Variants in CYP7B1 observed in about 807,000 individuals in gnomAD.
CYP7B1 encodes the protein cytochrome P450 family 7 subfamily B member 1, also known as cytochrome P450 7B1.
Under a neutral mutation model 42.7 loss-of-function variants are expected in CYP7B1, and 29 were observed. The observed-to-expected ratio is 0.68, with a 90% CI of 0.51 to 0.93. CYP7B1 has a LOEUF of 0.93. Among genes scored for constraint, CYP7B1 ranks in the 40% least tolerant of loss-of-function variants. The probability of loss-of-function intolerance (pLI) is 0.00; values close to 1 mark genes in which losing one functional copy is unlikely to be tolerated. For missense variants in CYP7B1, 655 were observed against 600.5 expected (o/e 1.09, Z -0.95); for synonymous variants, 235 against 218.2 (o/e 1.08, Z -0.68).
chr8:64,621,734 ATTTTT>A (rs201366655), intron 2 of CYP7B1, among the ~76,000 whole-genome samples: 7 of 132,646 alleles, frequency 5.3e-5, no homozygotes, highest in Admixed American at 1.6e-4. Context: ...AATGCATACA[ATTTTT>A]TTTTTTTTTT....
intron 1 of CYP7B1, among the ~76,000 whole-genome samples, chr8:64,700,608 G>A (rs1806901285): frequency 6.6e-6 from 1 of 152,096 alleles, no homozygotes; most frequent in South Asian, 2.1e-4. Context: ...AGTGTACAGA[G>A]GTGTGGACTT....
intron 5 of CYP7B1, among the ~76,000 whole-genome samples, chr8:64,599,249 C>T (rs567357042): frequency 1.2e-4 from 18 of 152,000 alleles, no homozygotes; most frequent in Admixed American, 2.0e-4. Flanking sequence ...AGTGCAGTGG[C>T]GCGATCTCGG....
intron 1 of CYP7B1, among the ~76,000 whole-genome samples, chr8:64,685,229 C>A (rs1033085779): frequency 6.6e-6 from 1 of 150,506 alleles, no homozygotes; most frequent in African/African-American, 2.4e-5. Flanking sequence ...GGGCAAGGAG[C>A]AGCCGCCTGC....
At chr8:64,657,030 A>T (rs1253233725) in intron 1 of CYP7B1, among the ~76,000 whole-genome samples, 1 of 152,296 alleles carries the variant, frequency 6.6e-6, no homozygotes, top group East Asian at 1.9e-4. Flanking sequence ...GCTAGCAAAA[A>T]TTTTGATAAC....
intron 1 of CYP7B1, among the ~76,000 whole-genome samples, chr8:64,685,174 C>T (rs934724651): frequency 4.2e-4 from 64 of 152,038 alleles, no homozygotes; most frequent in African/African-American, 1.4e-3. Flanking sequence ...GAGCGCCGCC[C>T]GGGAGGCAGC....
rs775898739 is a variant in CYP7B1 at position 64,615,943 on chromosome 8, C to T, written c.598G>A (p.Val200Ile). 6.2e-7 allele frequency: 1 copy of T among 1,613,598 alleles called. No individual in the cohort carries two copies. Among genetic ancestry groups the T allele is most frequent in the South Asian group, 1.1e-5 (1 of 91,060 alleles). Residue 200 changes from valine to isoleucine, a missense_variant, in exon 3 of 6, where the codon GTT becomes ATT. Coordinates refer to ENST00000310193, the MANE Select transcript of CYP7B1 (RefSeq NM_004820.5). ...EITFTTIYGKVIVCDNNKFIS... is the reference protein window; with the variant it reads ...EITFTTIYGKIIVCDNNKFIS... ...AATTTGTTGTTGTCACAAACAATAA[C>T]TTTTCCATATATAGTTGTAAATGTG...
chr8:64,606,822 A>G (rs1011632021), intron 4 of CYP7B1, among the ~76,000 whole-genome samples: 7 of 152,228 alleles, frequency 4.6e-5, no homozygotes, highest in African/African-American at 1.7e-4. Context: ...CGTTATTATC[A>G]ACAATGGAGA....
chr8:64,793,508 G>A (rs1018192023), intron 1 of CYP7B1, among the ~76,000 whole-genome samples: 60 of 152,004 alleles, frequency 3.9e-4, no homozygotes, highest in African/African-American at 1.4e-3. Flanking sequence ...GTGGGTATCT[G>A]TACCTAAGTC....
At chr8:64,732,125 C>G (rs1807420777) in intron 1 of CYP7B1, among the ~76,000 whole-genome samples, 1 of 152,204 alleles carries the variant, frequency 6.6e-6, no homozygotes. Context: ...AAGAGGGTTA[C>G]TGTCCTCGAG....
At position 64,713,789 on chromosome 8, in the gene CYP7B1, A is replaced by C. The variant is rs1807115022; in HGVS notation, c.122+84677T>G. ...ACAGGGAGTCAAAAAAAAATCTTCA[A>C]GAGATAAGAGCCCAAATTTTCCCAA... On this transcript the variant is annotated intron_variant, in intron 1 of 5. Coordinates refer to ENST00000310193, the MANE Select transcript of CYP7B1 (RefSeq NM_004820.5). 3.9e-5 allele frequency among the ~76,000 whole-genome samples: 6 copies of C among 152,310 alleles called. No individual in the cohort carries two copies. In the South Asian group the frequency reaches 1.2e-3, roughly 32 times the overall value.
intron 1 of CYP7B1, among the ~76,000 whole-genome samples, chr8:64,642,532 T>A (rs1373386244): frequency 6.6e-6 from 1 of 152,202 alleles, no homozygotes; most frequent in African/African-American, 2.4e-5. Flanking sequence ...TTTAACATTT[T>A]AGGATTCGTC....
At chr8:64,722,880 T>C (rs767835210) in intron 1 of CYP7B1, among the ~76,000 whole-genome samples, 4 of 151,942 alleles carry the variant, frequency 2.6e-5, no homozygotes, top group Non-Finnish European at 4.4e-5. Context: ...CTGTCTTGTG[T>C]CTTCTTAGGG....
At chr8:64,758,664 C>T (rs1807843414) in intron 1 of CYP7B1, among the ~76,000 whole-genome samples, 1 of 152,086 alleles carries the variant, frequency 6.6e-6, no homozygotes, top group South Asian at 2.1e-4. Context: ...AGGCAAAGAA[C>T]AGACACAGTA....
chr8:64,610,250 A>G (rs1424959339), intron 4 of CYP7B1, among the ~76,000 whole-genome samples: 1 of 152,098 alleles, frequency 6.6e-6, no homozygotes, highest in African/African-American at 2.4e-5. Context: ...CGAAATCAGT[A>G]TTTTTCACTT....
intron 1 of CYP7B1, among the ~76,000 whole-genome samples, chr8:64,771,291 A>T (rs1011606620): frequency 6.6e-6 from 1 of 151,020 alleles, no homozygotes; most frequent in Non-Finnish European, 1.5e-5. Context: ...CGATCTCCTG[A>T]CCTCATGATC....
intron 1 of CYP7B1, chr8:64,704,056 A>C (rs1806956586): frequency 6.6e-6 from 1 of 152,084 alleles, no homozygotes; most frequent in Non-Finnish European, 1.5e-5. Context: ...GAAAGCAATA[A>C]AAAACTAACC....
At chr8:64,673,124 C>T (rs994358786) in intron 1 of CYP7B1, among the ~76,000 whole-genome samples, 8 of 152,108 alleles carry the variant, frequency 5.3e-5, no homozygotes, top group Admixed American at 2.6e-4. Context: ...GTTTCTCCAT[C>T]TTTTGTGGGT....
At chr8:64,773,233 A>T (rs912452814) in intron 1 of CYP7B1, among the ~76,000 whole-genome samples, 1 of 152,020 alleles carries the variant, frequency 6.6e-6, no homozygotes. Context: ...TATATTTGAA[A>T]CTCAGAATGA....
intron 1 of CYP7B1, among the ~76,000 whole-genome samples, chr8:64,786,601 T>C (rs897609246): frequency 2.6e-5 from 4 of 152,210 alleles, no homozygotes; most frequent in African/African-American, 9.7e-5. Context: ...CCAGTTGCTT[T>C]CATGGGCTGG....
Sources: allele counts gnomAD v4.1 joint callset (sites outside exome capture counted in the v4.1 genomes callset), GRCh38; gene constraint gnomAD v4.1.1; transcripts MANE v1.5; gene names NCBI Gene and HGNC (gene_info 2026-07-23, HGNC 2026-07-21).